DYNC1LI2: variants seen among roughly 807,000 people sequenced by gnomAD.
The protein encoded by DYNC1LI2 is cytoplasmic dynein 1 light intermediate chain 2.
DYNC1LI2 carries 19 observed loss-of-function variants against 57.8 expected under a neutral mutation model. That is an observed-to-expected ratio of 0.33 (90% CI 0.23 to 0.48). The LOEUF (loss-of-function observed/expected upper bound fraction) is 0.48, where lower values mean the gene tolerates loss of function less well. DYNC1LI2 is among the 20% of genes least tolerant of loss of function. DYNC1LI2 has a pLI of 0.99. For synonymous variants in DYNC1LI2, 256 were observed against 233.4 expected (o/e 1.10, Z -0.88); for missense variants, 470 against 604.2 (o/e 0.78, Z 2.33).
chr16:66,746,583 C>T (rs2017939303), intron 3 of DYNC1LI2, among the ~76,000 whole-genome samples: 1 of 152,124 alleles, frequency 6.6e-6, no homozygotes, highest in Admixed American at 6.5e-5. Flanking sequence ...TTAAAATATA[C>T]TTAAAGGCAA....
In DYNC1LI2 at chr16:66,732,379, T is replaced by C; in HGVS notation, c.889A>G (p.Thr297Ala). 1 of 1,613,976 alleles carries C rather than the reference T, an allele frequency of 6.2e-7. No individual in the cohort carries two copies. The highest frequency in any genetic ancestry group is 8.5e-7 in the Non-Finnish European group (1 of 1,179,954). The change falls in exon 7 of 13, where the codon ACC becomes GCC. Residue 297 changes from threonine to alanine, a missense_variant. Thr to Ala is a moderately conservative substitution (Grantham distance 58). Coordinates refer to ENST00000258198, the MANE Select transcript of DYNC1LI2 (RefSeq NM_006141.3). ...IVHKTYGFHF[T>A]TPALVVEKDA... ...TTTTCCACAACTAAGGCAGGTGTGGTGAAGTGGAAACCGTATGTTTTATGA... is the reference window on the plus strand; with the variant it reads ...TTTTCCACAACTAAGGCAGGTGTGGCGAAGTGGAAACCGTATGTTTTATGA...
At position 66,743,988 on chromosome 16, in the gene DYNC1LI2, T is replaced by C. The variant is rs546954325; in HGVS notation, c.299-1320A>G. On this transcript the variant is annotated intron_variant, in intron 3 of 12. Transcript: ENST00000258198. ...TAAAATTTAATGTCTGAAATCTGCT[T>C]CAAAATCATCTAGTGGGGAGTAAAC... 3.3e-5 allele frequency among the ~76,000 whole-genome samples: 5 copies of C among 152,304 alleles called. No homozygotes were observed. In the South Asian group the frequency reaches 1.0e-3, roughly 32 times the overall value.
chr16:66,734,633 G>A (rs994777703), intron 5 of DYNC1LI2, among the ~76,000 whole-genome samples: 2 of 152,014 alleles, frequency 1.3e-5, no homozygotes, highest in East Asian at 3.9e-4. Context: ...CCATTCTCAA[G>A]AACAGGATGA....
At position 66,723,462 on chromosome 16, in the gene DYNC1LI2, C is replaced by A; in HGVS notation, c.*260G>T. Reference sequence around the variant, plus strand: ...ACTCTACCTTCCCCTCCACAAGAAGCCCAGATGTGCTTGCCTCCCACAAAA... The same window carrying A: ...ACTCTACCTTCCCCTCCACAAGAAGACCAGATGTGCTTGCCTCCCACAAAA... On this transcript the variant is annotated 3_prime_UTR_variant, in exon 13 of 13. Coordinates refer to ENST00000258198, the MANE Select transcript of DYNC1LI2 (RefSeq NM_006141.3). 1.7e-6 allele frequency: 1 copy of A among 577,816 alleles called. No individual in the cohort carries two copies. 35.8% of individuals were successfully genotyped at this position (577,816 alleles called of 1,614,324 possible).
intron 7 of DYNC1LI2, chr16:66,730,469 A>C (rs2017616071): frequency 1.1e-5 from 4 of 363,362 alleles, no homozygotes. Context: ...ATGAGATCCC[A>C]TTCCACAGGC....
intron 4 of DYNC1LI2, among the ~76,000 whole-genome samples, chr16:66,737,627 C>A (rs1033952455): frequency 6.6e-6 from 1 of 152,154 alleles, no homozygotes; most frequent in Admixed American, 6.5e-5. Context: ...CCTTATTATC[C>A]TCACTCTTGT....
In DYNC1LI2 at chr16:66,723,535, A is replaced by T; in HGVS notation, c.*187T>A. On this transcript the variant is annotated 3_prime_UTR_variant, in exon 13 of 13. Transcript: ENST00000258198. ...AGGGTTATCCTTAACAAAGGGTCTG[A>T]CATGTAACCTTCCTAAATGTGCATT... 1.5e-6 allele frequency: 1 copy of T among 669,308 alleles called. No homozygotes were observed. Among genetic ancestry groups the T allele is most frequent in the Non-Finnish European group, 2.7e-6 (1 of 371,680 alleles). 41.5% of individuals were successfully genotyped at this position (669,308 alleles called of 1,614,324 possible). A position where few individuals can be genotyped will look rare whatever the true frequency, so the allele number is the denominator to read the frequency against.
In DYNC1LI2 at chr16:66,723,584, GT is replaced by G. The variant is rs80335537; in HGVS notation, c.*137del. The stretch of plus-strand genomic sequence containing the variant: ...TTTCACACTCGGACAAGCCAATGAA[GT>G]TTTTTTTTTTTTTTTAAAGTTCATC... On this transcript the variant is annotated 3_prime_UTR_variant, in exon 13 of 13. Transcript: ENST00000258198. 0.055 allele frequency: 31,583 copies of G among 576,768 alleles called. 28 individuals carry two copies. The highest frequency in any genetic ancestry group is 0.062 in the East Asian group (1,893 of 30,384). The allele number at this position is 576,768 out of a possible 1,614,324, so 35.7% of individuals were successfully genotyped here. A position where few individuals can be genotyped will look rare whatever the true frequency, so the allele number is the denominator to read the frequency against.
In DYNC1LI2 at chr16:66,727,673, T is replaced by C. The variant is rs2017560055; in HGVS notation, c.1261+15A>G. On this transcript the variant is annotated intron_variant, in intron 11 of 12. Coordinates refer to ENST00000258198, the MANE Select transcript of DYNC1LI2 (RefSeq NM_006141.3). ...AACTACTCTCCAAAGAGACATACTT[T>C]TGAGGAATACATACTTTTGATGTTT... The C allele has an allele frequency of 6.2e-7, 1 of 1,613,136 alleles. No homozygotes were observed. Among genetic ancestry groups the C allele is most frequent in the African/African-American group, 1.3e-5 (1 of 74,888 alleles).
intron 3 of DYNC1LI2, among the ~76,000 whole-genome samples, chr16:66,748,305 A>AAAAAAAT (rs1441454828): frequency 1.5e-5 from 2 of 137,342 alleles, no homozygotes; most frequent in African/African-American, 2.8e-5. Context: ...AAAAAAAAAA[A>AAAAAAAT]CTAACATAAA....
At chr16:66,747,569 AT>A (rs760932236) in intron 3 of DYNC1LI2, among the ~76,000 whole-genome samples, 1,438 of 141,114 alleles carry the variant, frequency 0.01, 6 homozygotes, top group Admixed American at 0.033. Context: ...AAAGAAAGTA[AT>A]TTTTTTTTTT....
At chr16:66,741,514 G>A (rs1300897428) in intron 4 of DYNC1LI2, among the ~76,000 whole-genome samples, 1 of 152,200 alleles carries the variant, frequency 6.6e-6, no homozygotes, top group Non-Finnish European at 1.5e-5. Flanking sequence ...CACACTGCGA[G>A]AAACTTGATT....
chr16:66,747,364 C>G (rs754890734), intron 3 of DYNC1LI2, among the ~76,000 whole-genome samples: 1 of 152,142 alleles, frequency 6.6e-6, no homozygotes, highest in South Asian at 2.1e-4. Flanking sequence ...GCGTGAGCCA[C>G]CGCGCCCAGC....
chr16:66,730,031 T>C, intron 8 of DYNC1LI2, 81 bp downstream of exon 8: 2 of 1,230,154 alleles, frequency 1.6e-6, no homozygotes, highest in South Asian at 1.4e-5. Context: ...TCTGCCCGCT[T>C]TGGCCTCCCA....
intron 9 of DYNC1LI2, 147 bp from the exon 10 acceptor site, chr16:66,728,389 T>G: frequency 1.2e-6 from 1 of 860,212 alleles, no homozygotes. Flanking sequence ...GCCAAAAAAT[T>G]TTAATTGAGC....
At chr16:66,724,434 T>C (rs527593768) in intron 12 of DYNC1LI2, among the ~76,000 whole-genome samples, 7 of 152,252 alleles carry the variant, frequency 4.6e-5, no homozygotes, top group South Asian at 4.1e-4. Flanking sequence ...TCTTAGAACA[T>C]AGGAGCCACT....
chr16:66,746,252 T>C (rs2017934380), intron 3 of DYNC1LI2, among the ~76,000 whole-genome samples: 1 of 152,176 alleles, frequency 6.6e-6, no homozygotes, highest in African/African-American at 2.4e-5. Context: ...CCCATGTGCT[T>C]GGAGATCACA....
intron 4 of DYNC1LI2, among the ~76,000 whole-genome samples, chr16:66,742,209 T>C (rs1028114977): frequency 6.6e-6 from 1 of 152,230 alleles, no homozygotes; most frequent in Non-Finnish European, 1.5e-5. Context: ...CGGAAACCAA[T>C]GAAGATAATA....
rs1270021375 is a variant in DYNC1LI2, at chr16:66,721,200, G to A, written c.*2522C>T. ...TGACAATGTCTTCAGTTTAAATACCGATTTTAAAATGCCAATCAAAAAAAA... is the reference window on the plus strand; with the variant it reads ...TGACAATGTCTTCAGTTTAAATACCAATTTTAAAATGCCAATCAAAAAAAA... On this transcript the variant is annotated 3_prime_UTR_variant, in exon 13 of 13. Coordinates refer to ENST00000258198, the MANE Select transcript of DYNC1LI2 (RefSeq NM_006141.3). 3 of 152,456 alleles carry A rather than the reference G, an allele frequency of 2.0e-5. No homozygotes were observed. The highest frequency in any genetic ancestry group is 2.1e-4 in the South Asian group (1 of 4,826). The allele number at this position is 152,456 out of a possible 1,614,324, so 9.4% of individuals were successfully genotyped here.
Sources: gnomAD v4.1 joint callset for allele counts (sites outside exome capture counted in the v4.1 genomes callset) on GRCh38, gnomAD v4.1.1 for gene constraint, MANE v1.5 for transcripts, NCBI Gene and HGNC (gene_info 2026-07-23, HGNC 2026-07-21) for gene names.